Variants in ITGA9 observed in about 807,000 individuals in gnomAD.
ITGA9 encodes the protein integrin alpha-9.
A neutral mutation model predicts 127.8 loss-of-function variants in ITGA9; 56 were observed. The observed-to-expected ratio is 0.44, with a 90% CI of 0.35 to 0.55. The LOEUF is 0.55. Ranked by LOEUF, ITGA9 falls within the 20% of genes least tolerant of loss-of-function variation. ITGA9 has a pLI of 0.00. For synonymous variants in ITGA9, 508 were observed against 514.5 expected, an observed-to-expected ratio of 0.99 and a Z score of 0.17; for missense variants, 1,196 against 1,347.1, an observed-to-expected ratio of 0.89 and a Z score of 1.76.
intron 6 of ITGA9, among the ~76,000 whole-genome samples, chr3:37,503,833 T>G (rs774535352): frequency 6.6e-6 from 1 of 152,256 alleles, no homozygotes; most frequent in African/African-American, 2.4e-5. Context: ...CACAATTTAA[T>G]GTAGCTATCA....
At chr3:37,518,012 A>G (rs995308358) in intron 10 of ITGA9, among the ~76,000 whole-genome samples, 1 of 152,040 alleles carries the variant, frequency 6.6e-6, no homozygotes, top group African/African-American at 2.4e-5. Context: ...TTGATGGGGA[A>G]ATGAGTGAGG....
chr3:37,768,452 C>G (rs1347704625), intron 23 of ITGA9, among the ~76,000 whole-genome samples: 1 of 152,178 alleles, frequency 6.6e-6, no homozygotes. Context: ...GGCTTACTGT[C>G]TTTTGATGCC....
Position 37,777,450 on chromosome 3 carries a change from C to T in ITGA9, c.2600C>T (p.Pro867Leu). The T allele has an allele frequency of 1.2e-6, 2 of 1,614,066 alleles. No individual in the cohort carries two copies. Among genetic ancestry groups the T allele is most frequent in the Non-Finnish European group, 1.7e-6 (2 of 1,179,944 alleles). ...AAAAACCCAACTCCCTGCATCATCC[C>T]TCAAGAACAAGAAAATATCTTCCAC... is the stretch of plus-strand genomic sequence containing the variant. Reference protein sequence around the residue: ...FQKNPTPCIIPQEQENIFHTI... With the variant: ...FQKNPTPCIILQEQENIFHTI... Residue 867 changes from proline to leucine, a missense_variant, in exon 24 of 28, where the codon CCT (proline) becomes CTT (leucine). By Grantham distance (98) the Pro-to-Leu change is moderately conservative (BLOSUM62 -3). Coordinates refer to ENST00000264741, the MANE Select transcript of ITGA9 (RefSeq NM_002207.3).
At chr3:37,807,166 C>G (rs916879594) in intron 27 of ITGA9, 3 of 152,264 alleles carry the variant, frequency 2.0e-5, no homozygotes, top group African/African-American at 7.2e-5. Flanking sequence ...CTCACACTTG[C>G]CTGACATGAG....
At chr3:37,700,557 C>T (rs902455273) in intron 18 of ITGA9, among the ~76,000 whole-genome samples, 1 of 151,974 alleles carries the variant, frequency 6.6e-6, no homozygotes, top group African/African-American at 2.4e-5. Context: ...GCCATGTTGC[C>T]CAGGCTGGTC....
chr3:37,555,427 A>G (rs1334680542), intron 15 of ITGA9, among the ~76,000 whole-genome samples: 1 of 152,262 alleles, frequency 6.6e-6, no homozygotes, highest in Non-Finnish European at 1.5e-5. Flanking sequence ...CCAATAAGGC[A>G]TTGACTTTTT....
intron 18 of ITGA9, among the ~76,000 whole-genome samples, chr3:37,709,796 G>A (rs527830033): frequency 2.6e-4 from 40 of 152,354 alleles, no homozygotes; most frequent in South Asian, 6.2e-4. Context: ...GAGAAGATAG[G>A]TTTTGGAAAG....
At chr3:37,791,845 A>G (rs1697115050) in intron 26 of ITGA9, among the ~76,000 whole-genome samples, 1 of 152,212 alleles carries the variant, frequency 6.6e-6, no homozygotes, top group African/African-American at 2.4e-5. Flanking sequence ...TACTCCAAAA[A>G]AATGCCACTT....
intron 23 of ITGA9, among the ~76,000 whole-genome samples, chr3:37,776,070 C>G (rs1040587954): frequency 6.6e-6 from 1 of 152,162 alleles, no homozygotes; most frequent in Admixed American, 6.6e-5. Context: ...CCCTAGCAAA[C>G]TAACACAGGA....
Position 37,596,598 on chromosome 3 carries a change from C to T in ITGA9, c.1690-32589C>T, listed in dbSNP as rs191979272. On this transcript the variant is annotated intron_variant, in intron 15 of 27. Transcript: ENST00000264741. ...GAGCCCTGAGAATGTCCTGCTCCCC[C>T]GGAGGAGGACATATGAGTGCATCTC... 4.6e-5 allele frequency among the ~76,000 whole-genome samples: 7 copies of T among 152,174 alleles called. No individual in the cohort carries two copies. In the East Asian group the frequency reaches 5.8e-4, roughly 13 times the overall value.
chr3:37,625,866 C>A (rs1294200537), intron 15 of ITGA9, among the ~76,000 whole-genome samples: 1 of 152,218 alleles, frequency 6.6e-6, no homozygotes, highest in Admixed American at 6.5e-5. Context: ...CCTCCTCTGC[C>A]TCCACCCATG....
chr3:37,512,204 C>CTTTTCTTTTCTTTT (rs1698937996), intron 8 of ITGA9, among the ~76,000 whole-genome samples: 1 of 56,352 alleles, frequency 1.8e-5, no homozygotes, highest in Non-Finnish European at 3.2e-5. Context: ...CTTTTCTTTT[C>CTTTTCTTTTCTTTT]TTTTCTTTCT....
intron 4 of ITGA9, among the ~76,000 whole-genome samples, chr3:37,486,833 A>G (rs188507987): frequency 6.6e-6 from 1 of 152,352 alleles, no homozygotes; most frequent in Admixed American, 6.5e-5. Context: ...GTGCTTTAAA[A>G]TTGTGATGGA....
At chr3:37,794,164 C>T (rs1697145710) in intron 26 of ITGA9, among the ~76,000 whole-genome samples, 1 of 152,236 alleles carries the variant, frequency 6.6e-6, no homozygotes, top group Admixed American at 6.5e-5. Flanking sequence ...ACTCTGACAT[C>T]ACCCCTGTGA....
chr3:37,623,270 A>G (rs1269240314), intron 15 of ITGA9, among the ~76,000 whole-genome samples: 4 of 152,234 alleles, frequency 2.6e-5, no homozygotes, highest in African/African-American at 7.2e-5. Flanking sequence ...TACAGTAAAC[A>G]TACCTCAATA....
rs147312000 is a variant in ITGA9, at chr3:37,615,489, T to C, written c.1690-13698T>C. ...GATGATGCTGGCCTCATAAAATGAA[T>C]TGGGGAGGATTCCCTCTTTTTCTGT... On this transcript the variant is annotated intron_variant, in intron 15 of 27. Coordinates refer to ENST00000264741, the MANE Select transcript of ITGA9 (RefSeq NM_002207.3). 7.1e-3 allele frequency among the ~76,000 whole-genome samples: 1,079 copies of C among 152,334 alleles called. 17 individuals are homozygous for C. Among genetic ancestry groups the C allele is most frequent in the African/African-American group, 0.024 (1,012 of 41,556 alleles).
At chr3:37,751,377 G>A (rs1696584124) in intron 23 of ITGA9, among the ~76,000 whole-genome samples, 1 of 152,162 alleles carries the variant, frequency 6.6e-6, no homozygotes, top group Non-Finnish European at 1.5e-5. Context: ...ACAGGCTTCT[G>A]GCTACCCTCT....
chr3:37,548,138 A>T (rs962642766), intron 15 of ITGA9, among the ~76,000 whole-genome samples: 3 of 152,262 alleles, frequency 2.0e-5, no homozygotes, highest in Non-Finnish European at 4.4e-5. Context: ...TTATGTTATT[A>T]TGATACACAC....
chr3:37,628,165 A>C (rs1700194227), intron 15 of ITGA9, among the ~76,000 whole-genome samples: 1 of 150,862 alleles, frequency 6.6e-6, no homozygotes, highest in African/African-American at 2.4e-5. Flanking sequence ...CCCTGCTGCC[A>C]CTCTCCTGTC....
Sources: allele counts gnomAD v4.1 joint callset (sites outside exome capture counted in the v4.1 genomes callset), GRCh38; gene constraint gnomAD v4.1.1; transcripts MANE v1.5; gene names NCBI Gene and HGNC (gene_info 2026-07-23, HGNC 2026-07-21).